CAPZA1: variants seen among roughly 807,000 people sequenced by gnomAD.
CAPZA1 encodes the protein F-actin-capping protein subunit alpha-1.
A neutral mutation model predicts 40.8 loss-of-function variants in CAPZA1; 10 were observed. The observed-to-expected ratio is 0.25, with a 90% CI of 0.15 to 0.42. The LOEUF (loss-of-function observed/expected upper bound fraction) is 0.42. Among genes scored for constraint, CAPZA1 ranks in the 10% least tolerant of loss-of-function variants. The probability of loss-of-function intolerance (pLI) is 1.00; values close to 1 mark genes in which losing one functional copy is unlikely to be tolerated. For synonymous variants in CAPZA1, 98 were observed against 115.0 expected, an observed-to-expected ratio of 0.85 and a Z score of 0.95; for missense variants, 277 against 353.8, an observed-to-expected ratio of 0.78 and a Z score of 1.74.
intron 5 of CAPZA1, among the ~76,000 whole-genome samples, chr1:112,657,491 T>C (rs947354512): frequency 1.3e-5 from 2 of 152,242 alleles, no homozygotes; most frequent in African/African-American, 4.8e-5. Context: ...TGGTCCAGTG[T>C]CCTTTTCCTT....
chr1:112,642,059 G>A (rs1671178965), intron 1 of CAPZA1, among the ~76,000 whole-genome samples: 1 of 151,856 alleles, frequency 6.6e-6, no homozygotes, highest in Non-Finnish European at 1.5e-5. Flanking sequence ...TGCAAGTCTT[G>A]TAAACTCCTG....
At chr1:112,645,742 A>G (rs1671267027) in intron 1 of CAPZA1, among the ~76,000 whole-genome samples, 2 of 151,716 alleles carry the variant, frequency 1.3e-5, no homozygotes, top group African/African-American at 4.8e-5. Context: ...AGTGCAAAAA[A>G]AAAAAAAAAA....
In CAPZA1 at chr1:112,653,581, CTT is replaced by C. The variant is rs763435391; in HGVS notation, c.156-14_156-13del. On this transcript the variant is annotated splice_polypyrimidine_tract_variant and intron_variant, in intron 3 of 9. Transcript: ENST00000263168. ...TCTTTTTTTTTTTTTTTTTAAAAAACTTTTAAAAAAAAACAGTGCATTTGCCC... is the reference window on the plus strand; with the variant it reads ...TCTTTTTTTTTTTTTTTTTAAAAAACTTAAAAAAAAACAGTGCATTTGCCC... The C allele has an allele frequency of 1.1e-6, 1 of 900,192 alleles. No individual in the cohort carries two copies. The highest frequency in any genetic ancestry group is 2.1e-5 in the African/African-American group (1 of 47,038). 55.8% of individuals were successfully genotyped at this position (900,192 alleles called of 1,614,324 possible). A position where few individuals can be genotyped will look rare whatever the true frequency, so the allele number is the denominator to read the frequency against.
chr1:112,636,622 C>CT lies in CAPZA1; in HGVS notation c.40-10578dup, dbSNP rs565852241. On this transcript the variant is annotated intron_variant, in intron 1 of 9. Coordinates refer to ENST00000263168, the MANE Select transcript of CAPZA1 (RefSeq NM_006135.3). ...TGAAATAGGGACAGTTTTTTAAAGGCTTTTTTTTTTAAGCAGCAGTTCAGT... is the reference window on the plus strand; with the variant it reads ...TGAAATAGGGACAGTTTTTTAAAGGCTTTTTTTTTTTAAGCAGCAGTTCAGT... 7.2e-4 allele frequency among the ~76,000 whole-genome samples: 106 copies of CT among 146,714 alleles called. 1 individual carries two copies. Among genetic ancestry groups the CT allele is most frequent in the African/African-American group, 1.8e-3 (71 of 39,824 alleles).
chr1:112,641,822 G>A (rs1328004776), intron 1 of CAPZA1, among the ~76,000 whole-genome samples: 1 of 151,128 alleles, frequency 6.6e-6, no homozygotes, highest in African/African-American at 2.4e-5. Flanking sequence ...CTGGGAGGTG[G>A]AGGTTGCAGT....
chr1:112,619,918 C>A (rs764315909), intron 1 of CAPZA1, 35 bp downstream of exon 1: 12 of 1,569,176 alleles, frequency 7.6e-6, no homozygotes, highest in Non-Finnish European at 9.6e-6. Flanking sequence ...ACCTCCTCCC[C>A]CGACAGGGAA....
intron 7 of CAPZA1, among the ~76,000 whole-genome samples, chr1:112,661,017 C>T (rs1310786270): frequency 1.3e-5 from 2 of 151,642 alleles, no homozygotes; most frequent in African/African-American, 4.8e-5. Flanking sequence ...ACCACCACGC[C>T]CAGCTAATTT....
intron 3 of CAPZA1, among the ~76,000 whole-genome samples, chr1:112,651,579 C>G (rs1170910567): frequency 2.0e-5 from 3 of 152,056 alleles, no homozygotes; most frequent in Non-Finnish European, 4.4e-5. Flanking sequence ...GCTTAGGCAG[C>G]TGGTAAAATG....
intron 7 of CAPZA1, among the ~76,000 whole-genome samples, chr1:112,660,139 C>T (rs1449330438): frequency 3.3e-5 from 5 of 151,788 alleles, no homozygotes; most frequent in Non-Finnish European, 7.4e-5. Flanking sequence ...AGTGCAGTGA[C>T]GTGATCTCAG....
chr1:112,651,144 A>C (rs1306903159), intron 3 of CAPZA1, among the ~76,000 whole-genome samples: 2 of 152,240 alleles, frequency 1.3e-5, no homozygotes, highest in Non-Finnish European at 2.9e-5. Context: ...GGCTTGAAGT[A>C]GCTAAGATTT....
chr1:112,621,382 G>A lies in CAPZA1; in HGVS notation c.39+1499G>A, dbSNP rs191784011. ...TTCTCCTGCCTCAGCTTCCCGAGTA[G>A]CTGGGATTACAGGCACCCGCCACCA... On this transcript the variant is annotated intron_variant, in intron 1 of 9. Coordinates refer to ENST00000263168, the MANE Select transcript of CAPZA1 (RefSeq NM_006135.3). Among the ~76,000 whole-genome samples the A allele has an allele frequency of 2.6e-3, 397 of 151,842 alleles. 4 individuals are homozygous for A. The highest frequency in any genetic ancestry group is 9.2e-3 in the African/African-American group (380 of 41,374).
At chr1:112,627,063 T>C (rs186772567) in intron 1 of CAPZA1, among the ~76,000 whole-genome samples, 2 of 152,348 alleles carry the variant, frequency 1.3e-5, no homozygotes, top group Admixed American at 6.5e-5. Flanking sequence ...CAGATACTTA[T>C]GCCCATTTTA....
Position 112,649,472 on chromosome 1 carries a change from A to G in CAPZA1, c.155+3A>G. On this transcript the variant is annotated splice_donor_region_variant and intron_variant, in intron 3 of 9. Transcript: ENST00000263168. ...CTCCTCAGGGAAGGGGCAGCACAGT[A>G]AGTATCTTTCCAAATCCACTTAGAA... 6.2e-7 allele frequency: 1 copy of G among 1,607,108 alleles called. No homozygotes were observed. The highest frequency in any genetic ancestry group is 1.1e-5 in the South Asian group (1 of 90,700).
chr1:112,662,293 T>G (rs1671627756), intron 7 of CAPZA1, among the ~76,000 whole-genome samples: 1 of 151,972 alleles, frequency 6.6e-6, no homozygotes, highest in Admixed American at 6.6e-5. Context: ...TATTTTTTTG[T>G]AGAGTCGGGG....
At chr1:112,659,164 TTAA>T in intron 6 of CAPZA1, 63 bp downstream of exon 6, 1 of 1,025,506 alleles carries the variant, frequency 9.8e-7, no homozygotes. Flanking sequence ...GACTTGGTTT[TTAA>T]TCCAACTAGC....
At chr1:112,624,434 C>A (rs1360550972) in intron 1 of CAPZA1, among the ~76,000 whole-genome samples, 1 of 151,810 alleles carries the variant, frequency 6.6e-6, no homozygotes, top group Non-Finnish European at 1.5e-5. Flanking sequence ...CACGGTGAAA[C>A]CCTGTCTCTA....
intron 1 of CAPZA1, among the ~76,000 whole-genome samples, chr1:112,636,842 A>T (rs1284451162): frequency 6.6e-6 from 1 of 152,190 alleles, no homozygotes; most frequent in Non-Finnish European, 1.5e-5. Context: ...CTAACTGCTT[A>T]GTCATTTCCC....
intron 7 of CAPZA1, among the ~76,000 whole-genome samples, chr1:112,663,466 A>C (rs757602526): frequency 6.6e-6 from 1 of 152,112 alleles, no homozygotes; most frequent in Non-Finnish European, 1.5e-5. Context: ...TGTAAGTATT[A>C]GTGGTTCTTA....
At chr1:112,663,364 A>T (rs565328866) in intron 7 of CAPZA1, among the ~76,000 whole-genome samples, 4 of 152,230 alleles carry the variant, frequency 2.6e-5, no homozygotes, top group Admixed American at 2.6e-4. Flanking sequence ...TTGTATTTTA[A>T]ATATTCTTAT....
Sources: gnomAD v4.1 joint callset for allele counts (sites outside exome capture counted in the v4.1 genomes callset) on GRCh38, gnomAD v4.1.1 for gene constraint, MANE v1.5 for transcripts, NCBI Gene and HGNC (gene_info 2026-07-23, HGNC 2026-07-21) for gene names.